Variants in NYAP1 observed in about 807,000 individuals in gnomAD.
NYAP1 encodes neuronal tyrosine phosphorylated phosphoinositide-3-kinase adaptor 1.
A neutral mutation model predicts 58.6 loss-of-function variants in NYAP1; 20 were observed. The ratio of observed to expected loss-of-function variants is 0.34; its 90% CI spans 0.24 to 0.50. The LOEUF (loss-of-function observed/expected upper bound fraction) is 0.50. Ranked by LOEUF, NYAP1 falls within the 20% of genes least tolerant of loss-of-function variation. NYAP1 has a pLI of 0.98. For synonymous variants in NYAP1, 572 were observed against 523.1 expected, an observed-to-expected ratio of 1.09 and a Z score of -1.27; for missense variants, 1,150 against 1,194.5, an observed-to-expected ratio of 0.96 and a Z score of 0.55.
chr7:100,489,695 GCATC>G, intron 4 of NYAP1, 29 bp downstream of exon 4: 1 of 286,918 alleles, frequency 3.5e-6, no homozygotes, highest in South Asian at 3.7e-5. Flanking sequence ...GTGGGGGCTG[GCATC>G]AGGGGTGGGG....
Position 100,494,131 on chromosome 7 carries a change from G to A in NYAP1, c.*228G>A, listed in dbSNP as rs1420910494. 6.2e-6 allele frequency: 3 copies of A among 485,176 alleles called. No homozygotes were observed. Among genetic ancestry groups the A allele is most frequent in the Non-Finnish European group, 7.2e-6 (2 of 279,682 alleles). 30.1% of individuals were successfully genotyped at this position (485,176 alleles called of 1,614,324 possible). A position where few individuals can be genotyped will look rare whatever the true frequency, so the allele number is the denominator to read the frequency against. On this transcript the variant is annotated 3_prime_UTR_variant, in exon 7 of 7. Transcript: ENST00000300179. ...GGAGGAGGAGGAGGGTTTGCTTGAG[G>A]TTGGGGCGAGAGTCGCTCTGGCTGT...
chr7:100,491,908 G>A (rs903156215), intron 6 of NYAP1, among the ~76,000 whole-genome samples: 3 of 152,168 alleles, frequency 2.0e-5, no homozygotes, highest in African/African-American at 7.2e-5. Context: ...TTAGCCGGGC[G>A]TGGTAGCGCA....
In NYAP1 at chr7:100,489,678, G is replaced by T; in HGVS notation, c.1945+12G>T. 2 of 1,478,828 alleles carry T rather than the reference G, an allele frequency of 1.4e-6. No individual in the cohort carries two copies. The highest frequency in any genetic ancestry group is 1.8e-6 in the Non-Finnish European group (2 of 1,103,406). The allele number at this position is 1,478,828 out of a possible 1,614,324, so 91.6% of individuals were successfully genotyped here. ...AAAGGAGTTGGACAGTGAGTGAGGG[G>T]TGGGGAGTGGGGGCTGGCATCAGGG... On this transcript the variant is annotated intron_variant, in intron 4 of 6. Transcript: ENST00000300179.
chr7:100,489,065 G>T lies in NYAP1; in HGVS notation c.1344G>T (p.Leu448Phe). 6.5e-7 allele frequency: 1 copy of T among 1,543,174 alleles called. No homozygotes were observed. Among genetic ancestry groups the T allele is most frequent in the Non-Finnish European group, 8.7e-7 (1 of 1,145,114 alleles). The change falls in exon 4 of 7, where the codon TTG (leucine) becomes TTT (phenylalanine). Residue 448 changes from leucine to phenylalanine, a missense_variant. Physicochemically the swap from Leu to Phe is conservative, Grantham distance 22. Transcript: ENST00000300179. Reference protein sequence around the residue: ...APAAPPAPAALLPGPPKDKAV... With the variant: ...APAAPPAPAAFLPGPPKDKAV... Reference sequence around the variant, plus strand: ...CAGCCCCCCCTGCCCCGGCCGCCTTGCTCCCCGGCCCCCCCAAGGACAAGG... The same window carrying T: ...CAGCCCCCCCTGCCCCGGCCGCCTTTCTCCCCGGCCCCCCCAAGGACAAGG...
Position 100,488,792 on chromosome 7 carries a change from A to C in NYAP1, c.1071A>C (p.Leu357=), listed in dbSNP as rs1185985546. 2 of 1,585,004 alleles carry C rather than the reference A, an allele frequency of 1.3e-6. No individual in the cohort carries two copies. Among genetic ancestry groups the C allele is most frequent in the Non-Finnish European group, 1.7e-6 (2 of 1,166,106 alleles). ...CCCCTGGCGATGGGGTCTCAAGGCTACCTGTCCTCTGCCACTCCAAGGAGC... is the reference window on the plus strand; with the variant it reads ...CCCCTGGCGATGGGGTCTCAAGGCTCCCTGTCCTCTGCCACTCCAAGGAGC... ...SRTPGDGVSR[L]PVLCHSKEPA... Residue 357 remains leucine, a synonymous_variant, in exon 4 of 7, where the codon CTA becomes CTC. Transcript: ENST00000300179. The surrounding 1 kb of genome is among the most constrained non-coding windows in gnomAD (Gnocchi z 5.9).
At position 100,487,213 on chromosome 7, in the gene NYAP1, G is replaced by A. The variant is rs754527792; in HGVS notation, c.430+31G>A. On this transcript the variant is annotated intron_variant, in intron 3 of 6. Coordinates refer to ENST00000300179, the MANE Select transcript of NYAP1 (RefSeq NM_173564.4). The surrounding 1 kb of genome is among the most constrained non-coding windows in gnomAD (Gnocchi z 4.1). ...ATACCCCCTATCTCTCCCTGGGGTG[G>A]AGCTGGGAGCTGGGAGGATCTATTC... The A allele has an allele frequency of 7.5e-6, 11 of 1,468,912 alleles. No homozygotes were observed. The highest frequency in any genetic ancestry group is 9.9e-6 in the Non-Finnish European group (11 of 1,110,662). The allele number at this position is 1,468,912 out of a possible 1,614,324, so 91.0% of individuals were successfully genotyped here.
chr7:100,494,688 A>AGGGG lies in NYAP1; in HGVS notation c.*787_*790dup, dbSNP rs1799848083. 8.6e-6 allele frequency: 1 copy of AGGGG among 116,782 alleles called. No homozygotes were observed. Among genetic ancestry groups the AGGGG allele is most frequent in the Non-Finnish European group, 1.7e-5 (1 of 58,612 alleles). 7.2% of individuals were successfully genotyped at this position (116,782 alleles called of 1,614,324 possible). A position where few individuals can be genotyped will look rare whatever the true frequency, so the allele number is the denominator to read the frequency against. On this transcript the variant is annotated 3_prime_UTR_variant, in exon 7 of 7. Transcript: ENST00000300179. ...GGAGGAGGGAAATTTTAGCGGGTGG[A>AGGGG]GGGGGTGGGCAGGGTATTTATTTAA...
At position 100,490,917 on chromosome 7, in the gene NYAP1, G is replaced by A; in HGVS notation, c.2159-69G>A. The A allele has an allele frequency of 1.7e-6, 2 of 1,151,724 alleles. No individual in the cohort carries two copies. The highest frequency in any genetic ancestry group is 1.5e-5 in the South Asian group (1 of 68,462). 71.3% of individuals were successfully genotyped at this position (1,151,724 alleles called of 1,614,324 possible). A position where few individuals can be genotyped will look rare whatever the true frequency, so the allele number is the denominator to read the frequency against. On this transcript the variant is annotated intron_variant, in intron 5 of 6. Coordinates refer to ENST00000300179, the MANE Select transcript of NYAP1 (RefSeq NM_173564.4). This position sits in a 1 kb window ranked among gnomAD's most constrained non-coding sequence, Gnocchi z 4.6. ...GGGCAGCCTGGACCATTCAAGGGCA[G>A]GGGACTGGGAACTAGGGGAGGGGTA... is the stretch of plus-strand genomic sequence containing the variant.
In NYAP1 at chr7:100,490,669, G is replaced by A. The variant is rs564948781; in HGVS notation, c.2098G>A (p.Gly700Arg). The A allele has an allele frequency of 1.4e-4, 220 of 1,562,258 alleles. No homozygotes were observed. Among genetic ancestry groups the A allele is most frequent in the Non-Finnish European group, 1.1e-5 (13 of 1,153,674 alleles). Reference sequence around the variant, plus strand: ...CAGGATCCACCATGGAGACCGAGGAGGGAGCCGCACCGCGCTGCCCATTCC... The same window carrying A: ...CAGGATCCACCATGGAGACCGAGGAAGGAGCCGCACCGCGCTGCCCATTCC... ...LARIHHGDRG[G>R]SRTALPIPCQ... The change falls in exon 5 of 7, where the codon GGG becomes AGG. Residue 700 changes from glycine (G) to arginine (R), a missense_variant. Gly to Arg is a moderately radical substitution (Grantham distance 125, BLOSUM62 -2). Transcript: ENST00000300179. The surrounding 1 kb of genome is among the most constrained non-coding windows in gnomAD (Gnocchi z 4.6).
rs1799834079 is a variant in NYAP1, at chr7:100,493,900, C to T, written c.2523C>T (p.Ile841=). ...RQHTVLWDTA[I] is the part of the protein sequence containing the mutation. The stretch of plus-strand genomic sequence containing the variant: ...ACACGGTCCTCTGGGACACCGCCAT[C>T]TGAGGCGGGCGGGGGGGTACCGGGG... Residue 841 remains isoleucine, a synonymous_variant, in exon 7 of 7, where the codon ATC becomes ATT. Coordinates refer to ENST00000300179, the MANE Select transcript of NYAP1 (RefSeq NM_173564.4). 2 of 1,447,976 alleles carry T rather than the reference C, an allele frequency of 1.4e-6. No homozygotes were observed. The highest frequency in any genetic ancestry group is 1.8e-6 in the Non-Finnish European group (2 of 1,104,858). The allele number at this position is 1,447,976 out of a possible 1,614,324, so 89.7% of individuals were successfully genotyped here. A position where few individuals can be genotyped will look rare whatever the true frequency, so the allele number is the denominator to read the frequency against.
In NYAP1 at chr7:100,487,162, C is replaced by T. The variant is rs1423119120; in HGVS notation, c.410C>T (p.Thr137Met). The change falls in exon 3 of 7, where the codon ACG (threonine) becomes ATG (methionine). Residue 137 changes from threonine (T) to methionine (M), a missense_variant. Thr to Met is a moderately conservative substitution (Grantham distance 81). Transcript: ENST00000300179. The surrounding 1 kb of genome is among the most constrained non-coding windows in gnomAD (Gnocchi z 4.1). ...GTGGGGCCTGGGTCTGGGGCAGAGA[C>T]GCCCCCCAGCAAGAAAGCAGGTGAG... ...SMVGPGSGAE[T>M]PPSKKAGSQK... 2.7e-6 allele frequency: 4 copies of T among 1,491,454 alleles called. No individual in the cohort carries two copies. Among genetic ancestry groups the T allele is most frequent in the Non-Finnish European group, 3.6e-6 (4 of 1,122,286 alleles). The allele number at this position is 1,491,454 out of a possible 1,614,324, so 92.4% of individuals were successfully genotyped here.
At position 100,488,361 on chromosome 7, in the gene NYAP1, C is replaced by T. The variant is rs777799616; in HGVS notation, c.640C>T (p.Pro214Ser). Residue 214 changes from proline (P) to serine (S), a missense_variant, in exon 4 of 7, where the codon CCT becomes TCT. By Grantham distance (74) the Pro-to-Ser change is moderately conservative. Coordinates refer to ENST00000300179, the MANE Select transcript of NYAP1 (RefSeq NM_173564.4). The surrounding 1 kb of genome is among the most constrained non-coding windows in gnomAD (Gnocchi z 5.9). ...CCCTGATGTGGGTGCCCAGGAAGAG[C>T]CTGTGTACATTGAGATGGTGGGGGA... is the stretch of plus-strand genomic sequence containing the variant. The part of the protein sequence containing the change: ...GDPDVGAQEE[P>S]VYIEMVGDVF... The T allele has an allele frequency of 1.9e-6, 3 of 1,603,648 alleles. No homozygotes were observed. In the African/African-American group the frequency reaches 4.0e-5, roughly 22 times the overall value.
At position 100,489,047 on chromosome 7, in the gene NYAP1, C is replaced by T; in HGVS notation, c.1326C>T (p.Pro442=). The T allele has an allele frequency of 1.3e-6, 2 of 1,544,662 alleles. No individual in the cohort carries two copies. Among genetic ancestry groups the T allele is most frequent in the Non-Finnish European group, 1.7e-6 (2 of 1,148,424 alleles). Reference sequence around the variant, plus strand: ...AGGCGGCGGGGGCGCCGGCAGCCCCCCCTGCCCCGGCCGCCTTGCTCCCCG... The same window carrying T: ...AGGCGGCGGGGGCGCCGGCAGCCCCTCCTGCCCCGGCCGCCTTGCTCCCCG... ...CPKAAGAPAA[P]PAPAALLPGP... The change falls in exon 4 of 7, where the codon CCC becomes CCT. Residue 442 remains proline (P), a synonymous_variant. Coordinates refer to ENST00000300179, the MANE Select transcript of NYAP1 (RefSeq NM_173564.4).
chr7:100,490,509 C>T lies in NYAP1; in HGVS notation c.1946-8C>T. 6.4e-7 allele frequency: 1 copy of T among 1,573,928 alleles called. No homozygotes were observed. Among genetic ancestry groups the T allele is most frequent in the Middle Eastern group, 1.7e-4 (1 of 6,012 alleles). ...GCAGGCACACAGCTCTCCTTGTCAT[C>T]CCAGCAGAGGTCGAGGACGGTGCCC... is the stretch of plus-strand genomic sequence containing the variant. On this transcript the variant is annotated splice_region_variant and splice_polypyrimidine_tract_variant and intron_variant, in intron 4 of 6. Coordinates refer to ENST00000300179, the MANE Select transcript of NYAP1 (RefSeq NM_173564.4). This position sits in a 1 kb window ranked among gnomAD's most constrained non-coding sequence, Gnocchi z 4.6.
rs139426955 is a variant in NYAP1 at position 100,488,216 on chromosome 7, G to A, written c.495G>A (p.Arg165=). The A allele has an allele frequency of 1.3e-5, 21 of 1,613,264 alleles. No homozygotes were observed. In the African/African-American group the frequency reaches 2.7e-4, roughly 21 times the overall value. The stretch of plus-strand genomic sequence containing the variant: ...GGAAGGTTCCTCCGCAGAAGCCCAG[G>A]CGAAGCCCTAACACCCAGCTCTCTG... The part of the protein sequence containing the change: ...SSRKVPPQKP[R]RSPNTQLSVS... Residue 165 remains arginine, a synonymous_variant, in exon 4 of 7, where the codon AGG becomes AGA. Coordinates refer to ENST00000300179, the MANE Select transcript of NYAP1 (RefSeq NM_173564.4). The surrounding 1 kb of genome is among the most constrained non-coding windows in gnomAD (Gnocchi z 5.9).
Position 100,487,538 on chromosome 7 carries a change from G to A in NYAP1, c.430+356G>A, listed in dbSNP as rs939937601. Among the ~76,000 whole-genome samples, 1 of 151,966 alleles carries A rather than the reference G, an allele frequency of 6.6e-6. No homozygotes were observed. On this transcript the variant is annotated intron_variant, in intron 3 of 6. Transcript: ENST00000300179. This position sits in a 1 kb window ranked among gnomAD's most constrained non-coding sequence, Gnocchi z 4.1. Reference sequence around the variant, plus strand: ...TTTTTTTGAGACAGAGTCTCGCTCTGTTGCCCAGGCAGGAGTGCAGTGGTG... The same window carrying A: ...TTTTTTTGAGACAGAGTCTCGCTCTATTGCCCAGGCAGGAGTGCAGTGGTG...
Position 100,493,964 on chromosome 7 carries a change from C to A in NYAP1, c.*61C>A. On this transcript the variant is annotated 3_prime_UTR_variant, in exon 7 of 7. Transcript: ENST00000300179. ...GAGGGGGCGGGCACGCCTGGCTCTCCCGGGAGCCTCGCCTTGAGAGACATT... is the reference window on the plus strand; with the variant it reads ...GAGGGGGCGGGCACGCCTGGCTCTCACGGGAGCCTCGCCTTGAGAGACATT... The A allele has an allele frequency of 1.4e-5, 19 of 1,323,130 alleles. 1 individual carries two copies. The South Asian group carries it at 2.9e-4, about 20-fold the overall frequency. 82.0% of individuals were successfully genotyped at this position (1,323,130 alleles called of 1,614,324 possible). A position where few individuals can be genotyped will look rare whatever the true frequency, so the allele number is the denominator to read the frequency against.
chr7:100,484,704 G>A (rs747416478), intron 1 of NYAP1, among the ~76,000 whole-genome samples: 13 of 152,124 alleles, frequency 8.5e-5, no homozygotes, highest in Non-Finnish European at 1.9e-4. Context: ...ATGTACGCAA[G>A]TAGGCCCTGG....
chr7:100,493,889 G>A lies in NYAP1; in HGVS notation c.2512G>A (p.Asp838Asn). 6.8e-7 allele frequency: 1 copy of A among 1,473,834 alleles called. No homozygotes were observed. Among genetic ancestry groups the A allele is most frequent in the Non-Finnish European group, 9.0e-7 (1 of 1,116,034 alleles). The allele number at this position is 1,473,834 out of a possible 1,614,324, so 91.3% of individuals were successfully genotyped here. The change falls in exon 7 of 7, where the codon GAC (aspartate) becomes AAC (asparagine). Residue 838 changes from aspartate (D) to asparagine (N), a missense_variant. Coordinates refer to ENST00000300179, the MANE Select transcript of NYAP1 (RefSeq NM_173564.4). ...CCGCCGGCAGCACACGGTCCTCTGGGACACCGCCATCTGAGGCGGGCGGGG... is the reference window on the plus strand; with the variant it reads ...CCGCCGGCAGCACACGGTCCTCTGGAACACCGCCATCTGAGGCGGGCGGGG... ...PCRRQHTVLW[D>N]TAI is the part of the protein sequence containing the mutation.
Sources: gnomAD v4.1 joint callset for allele counts (sites outside exome capture counted in the v4.1 genomes callset) on GRCh38, gnomAD v4.1.1 for gene constraint, Gnocchi (gnomAD v3.1) non-coding constraint, MANE v1.5 for transcripts, NCBI Gene and HGNC (gene_info 2026-07-23, HGNC 2026-07-21) for gene names.